The following CYB5D2 variants were observed in gnomAD, a reference collection of about 807,000 sequenced individuals.
The protein encoded by CYB5D2 is cytochrome b5 domain containing 2.
Under a neutral mutation model 22.8 loss-of-function variants are expected in CYB5D2, and 23 were observed. That is an observed-to-expected ratio of 1.01 (90% CI 0.73 to 1.43). The LOEUF is 1.43. Among genes scored for constraint, CYB5D2 ranks in the 40% most tolerant of loss-of-function variants. The pLI, the probability that CYB5D2 is intolerant of heterozygous loss-of-function variation, is 0.00. For synonymous variants in CYB5D2, 170 were observed against 152.2 expected, an observed-to-expected ratio of 1.12 and a Z score of -0.86; for missense variants, 373 against 357.2, an observed-to-expected ratio of 1.04 and a Z score of -0.36.
At chr17:4,156,732 T>C (rs959273379) in intron 3 of CYB5D2, 134 bp from the exon 4 acceptor site, 7 of 941,282 alleles carry the variant, frequency 7.4e-6, no homozygotes, top group Non-Finnish European at 1.1e-5. Context: ...CTGAGCGCTG[T>C]AGCCTGCTGC....
chr17:4,151,360 A>G (rs2059055787), intron 2 of CYB5D2, among the ~76,000 whole-genome samples: 1 of 152,156 alleles, frequency 6.6e-6, no homozygotes, highest in Non-Finnish European at 1.5e-5. Flanking sequence ...TTGAAACATT[A>G]CTGGGTTAAT....
At position 4,157,273 on chromosome 17, in the gene CYB5D2, G is replaced by A. The variant is rs2059122945; in HGVS notation, c.*191G>A. On this transcript the variant is annotated 3_prime_UTR_variant, in exon 4 of 4. Transcript: ENST00000301391. This position sits in a 1 kb window ranked among gnomAD's most constrained non-coding sequence, Gnocchi z 4.4. ...CGTTGTGGTGCCTGAGGGACAGCCG[G>A]CCACCTGCCCAGTACTGGTCAGCTT... 3.1e-6 allele frequency: 2 copies of A among 650,862 alleles called. No individual in the cohort carries two copies. Among genetic ancestry groups the A allele is most frequent in the East Asian group, 2.7e-5 (1 of 36,500 alleles). 40.3% of individuals were successfully genotyped at this position (650,862 alleles called of 1,614,324 possible). A position where few individuals can be genotyped will look rare whatever the true frequency, so the allele number is the denominator to read the frequency against.
intron 1 of CYB5D2, 129 bp downstream of exon 1, chr17:4,144,134 G>A (rs2058945719): frequency 1.5e-6 from 2 of 1,336,204 alleles, no homozygotes; most frequent in South Asian, 2.9e-5. Context: ...AAACCCGTGC[G>A]GTGGGCGGGA....
At chr17:4,149,586 C>G (rs2059030795) in intron 1 of CYB5D2, among the ~76,000 whole-genome samples, 1 of 152,154 alleles carries the variant, frequency 6.6e-6, no homozygotes, top group Non-Finnish European at 1.5e-5. Context: ...GGGCGGATCA[C>G]CTGAGGTCAG....
rs769621861 is a variant in CYB5D2, at chr17:4,143,767, C to G, written c.12C>G (p.Cys4Trp). MLR[C>W]GGRGLLLGLA... is the part of the protein sequence containing the mutation. ...GTGGGCCTATATAGATGTTGAGGTG[C>G]GGAGGCCGTGGGCTTTTGTTGGGCC... is the stretch of plus-strand genomic sequence containing the variant. Residue 4 changes from cysteine to tryptophan, a missense_variant, in exon 1 of 4, where the codon TGC becomes TGG. By Grantham distance (215) the Cys-to-Trp change is radical (BLOSUM62 -2). Coordinates refer to ENST00000301391, the MANE Select transcript of CYB5D2 (RefSeq NM_144611.4). 5 of 1,613,256 alleles carry G rather than the reference C, an allele frequency of 3.1e-6. No homozygotes were observed. The Admixed American group carries it at 5.0e-5, about 16-fold the overall frequency.
At chr17:4,147,710 G>A (rs1477116233) in intron 1 of CYB5D2, among the ~76,000 whole-genome samples, 3 of 152,156 alleles carry the variant, frequency 2.0e-5, no homozygotes, top group African/African-American at 2.4e-5. Context: ...AAAATTAGCC[G>A]GGCATGGTGG....
chr17:4,143,941 T>G lies in CYB5D2; in HGVS notation c.186T>G (p.Arg62=). ...DPGLYLALLG[R]VYDVSSGRRH... ...GCCTGTACTTGGCGTTGCTCGGCCGTGTCTACGATGTGTCCTCCGGCCGGA... is the reference window on the plus strand; with the variant it reads ...GCCTGTACTTGGCGTTGCTCGGCCGGGTCTACGATGTGTCCTCCGGCCGGA... Residue 62 remains arginine, a synonymous_variant, in exon 1 of 4, where the codon CGT becomes CGG. Transcript: ENST00000301391. The G allele has an allele frequency of 1.2e-6, 2 of 1,613,454 alleles. No individual in the cohort carries two copies. Among genetic ancestry groups the G allele is most frequent in the Non-Finnish European group, 1.7e-6 (2 of 1,179,966 alleles).
chr17:4,154,251 GC>G lies in CYB5D2; in HGVS notation c.392-421del, dbSNP rs1336708970. Among the ~76,000 whole-genome samples, 5 of 152,184 alleles carry G rather than the reference GC, an allele frequency of 3.3e-5. No individual in the cohort carries two copies. The South Asian group carries it at 1.0e-3, about 32-fold the overall frequency. ...GCTTGAGCCCAGAAGTTCAAGACTA[GC>G]CTGGTCAACAGAGTGAGACCCCATC... On this transcript the variant is annotated intron_variant, in intron 2 of 3. Transcript: ENST00000301391.
In CYB5D2 at chr17:4,143,888, C is replaced by G. The variant is rs1205035324; in HGVS notation, c.133C>G (p.Arg45Gly). Residue 45 changes from arginine to glycine, a missense_variant, in exon 1 of 4, where the codon CGC becomes GGC. Physicochemically the swap from Arg to Gly is moderately radical, Grantham distance 125. Transcript: ENST00000301391. ...FRLFIPEELS[R>G]YRGGPGDPGL... is the part of the protein sequence containing the mutation. The stretch of plus-strand genomic sequence containing the variant: ...CCTTTTCATACCGGAGGAGCTGTCT[C>G]GCTACCGCGGCGGCCCAGGGGACCC... 6.2e-7 allele frequency: 1 copy of G among 1,614,026 alleles called. No individual in the cohort carries two copies. The highest frequency in any genetic ancestry group is 8.5e-7 in the Non-Finnish European group (1 of 1,180,022).
intron 1 of CYB5D2, among the ~76,000 whole-genome samples, chr17:4,147,066 T>C (rs1403158749): frequency 6.6e-6 from 1 of 152,176 alleles, no homozygotes; most frequent in Non-Finnish European, 1.5e-5. Context: ...TTCTTTCTAC[T>C]TTTTTTGCCT....
rs1299925747 is a variant in CYB5D2, at chr17:4,157,379, A to C, written c.*297A>C. On this transcript the variant is annotated 3_prime_UTR_variant, in exon 4 of 4. Coordinates refer to ENST00000301391, the MANE Select transcript of CYB5D2 (RefSeq NM_144611.4). This position sits in a 1 kb window ranked among gnomAD's most constrained non-coding sequence, Gnocchi z 4.4. ...AACGGGCACAAATAAGACCAACTCA[A>C]TTTCCACTTGAATTTACAACCAAAA... 1 of 463,698 alleles carries C rather than the reference A, an allele frequency of 2.2e-6. No homozygotes were observed. The highest frequency in any genetic ancestry group is 2.0e-5 in the African/African-American group (1 of 51,138). The allele number at this position is 463,698 out of a possible 1,614,324, so 28.7% of individuals were successfully genotyped here. A position where few individuals can be genotyped will look rare whatever the true frequency, so the allele number is the denominator to read the frequency against.
intron 1 of CYB5D2, among the ~76,000 whole-genome samples, chr17:4,149,159 A>G (rs188231282): frequency 3.9e-5 from 6 of 152,240 alleles, no homozygotes; most frequent in Admixed American, 3.9e-4. Flanking sequence ...GTGTTGTTGG[A>G]TATACAGGTG....
intron 2 of CYB5D2, among the ~76,000 whole-genome samples, chr17:4,153,766 G>T (rs953043925): frequency 6.6e-5 from 10 of 152,222 alleles, no homozygotes; most frequent in African/African-American, 1.9e-4. Context: ...AAGGAAGGGA[G>T]TATGATGTGG....
intron 1 of CYB5D2, among the ~76,000 whole-genome samples, chr17:4,145,675 C>T (rs1261117210): frequency 2.0e-5 from 3 of 152,182 alleles, no homozygotes; most frequent in African/African-American, 7.2e-5. Context: ...GCAACATGCT[C>T]CCCACCGCCC....
rs780202103 is a variant in CYB5D2, at chr17:4,143,812, G to A, written c.57G>A (p.Ala19=). 8 of 1,614,054 alleles carry A rather than the reference G, an allele frequency of 5.0e-6. No homozygotes were observed. Among genetic ancestry groups the A allele is most frequent in the Admixed American group, 3.3e-5 (2 of 60,018 alleles). The change falls in exon 1 of 4, where the codon GCG becomes GCA. Residue 19 remains alanine (A), a synonymous_variant. Coordinates refer to ENST00000301391, the MANE Select transcript of CYB5D2 (RefSeq NM_144611.4). ...LLLGLAVAAA[A]VMAARLMGWW... is the part of the protein sequence containing the mutation. ...TGGGCCTGGCTGTAGCCGCAGCAGC[G>A]GTAATGGCAGCACGGCTTATGGGCT...
chr17:4,144,127 C>G, intron 1 of CYB5D2, 122 bp downstream of exon 1: 1 of 1,372,734 alleles, frequency 7.3e-7, no homozygotes, highest in East Asian at 2.4e-5. Flanking sequence ...ATCCATCAAA[C>G]CCGTGCGGTG....
chr17:4,145,027 C>T lies in CYB5D2; in HGVS notation c.250+1022C>T, dbSNP rs575396332. Among the ~76,000 whole-genome samples the T allele has an allele frequency of 7.6e-4, 115 of 152,218 alleles. No individual in the cohort carries two copies. The South Asian group carries it at 0.01, about 14-fold the overall frequency. On this transcript the variant is annotated intron_variant, in intron 1 of 3. Transcript: ENST00000301391. ...GGTCTCGATCTCCTGACCTTATGAT[C>T]CGCCCACCTTGGCCTCCCAAAGTGC... is the stretch of plus-strand genomic sequence containing the variant.
intron 2 of CYB5D2, among the ~76,000 whole-genome samples, chr17:4,150,493 T>C (rs1157276289): frequency 6.6e-6 from 1 of 152,128 alleles, no homozygotes; most frequent in Non-Finnish European, 1.5e-5. Context: ...ATCAAACCAC[T>C]GTGTAGGTTA....
At position 4,144,378 on chromosome 17, in the gene CYB5D2, TTAA is replaced by T. The variant is rs2058954863; in HGVS notation, c.250+378_250+380del. 2.6e-5 allele frequency among the ~76,000 whole-genome samples: 4 copies of T among 152,120 alleles called. No individual in the cohort carries two copies. In the South Asian group the frequency reaches 8.3e-4, roughly 32 times the overall value. ...CCCCGCCCCTACCCTCACAGTTTCC[TTAA>T]TAATTCCAACCATCTCTTCATTATG... On this transcript the variant is annotated intron_variant, in intron 1 of 3. Coordinates refer to ENST00000301391, the MANE Select transcript of CYB5D2 (RefSeq NM_144611.4).
Sources: allele counts gnomAD v4.1 joint callset (sites outside exome capture counted in the v4.1 genomes callset), GRCh38; gene constraint gnomAD v4.1.1; non-coding constraint Gnocchi (gnomAD v3.1); transcripts MANE v1.5; gene names NCBI Gene and HGNC (gene_info 2026-07-23, HGNC 2026-07-21).